Variants in MSI2 observed in about 807,000 individuals in gnomAD.
MSI2 encodes the protein musashi RNA binding protein 2.
MSI2 carries 17 observed loss-of-function variants against 45.6 expected under a neutral mutation model. The observed-to-expected ratio is 0.37, with a 90% CI of 0.26 to 0.56. MSI2 has a LOEUF of 0.56. Ranked by LOEUF, MSI2 falls within the 20% of genes least tolerant of loss-of-function variation. The pLI is 0.77. For missense variants in MSI2, 293 were observed against 444.2 expected (o/e 0.66, Z 3.06); for synonymous variants, 156 against 158.2 (o/e 0.99, Z 0.11).
intron 7 of MSI2, among the ~76,000 whole-genome samples, chr17:57,568,015 T>G (rs1189782516): frequency 6.6e-6 from 1 of 152,318 alleles, no homozygotes; most frequent in African/African-American, 2.4e-5. Flanking sequence ...CCATAAGTGG[T>G]GGCTCTGAGA....
intron 6 of MSI2, among the ~76,000 whole-genome samples, chr17:57,443,491 T>C (rs975617513): frequency 6.6e-6 from 1 of 152,088 alleles, no homozygotes; most frequent in Non-Finnish European, 1.5e-5. Flanking sequence ...AGAGGCTGCT[T>C]GAGTGGGAAA....
intron 5 of MSI2, among the ~76,000 whole-genome samples, chr17:57,282,400 G>T (rs1363604880): frequency 2.6e-5 from 4 of 152,176 alleles, no homozygotes; most frequent in Non-Finnish European, 5.9e-5. Context: ...CAGGCCTGAA[G>T]AATTCCTGCC....
At chr17:57,633,229 G>A (rs138396288) in intron 10 of MSI2, 18 of 987,112 alleles carry the variant, frequency 1.8e-5, no homozygotes, top group East Asian at 1.4e-4. Context: ...TCCTGTTCTC[G>A]CTCCGGGGGA....
At chr17:57,346,347 T>TG (rs1353301295) in intron 5 of MSI2, among the ~76,000 whole-genome samples, 113 of 110,528 alleles carry the variant, frequency 1.0e-3, no homozygotes, top group African/African-American at 3.1e-3. Context: ...ATAACACATT[T>TG]TGGGGGGGGG....
At position 57,683,371 on chromosome 17, in the gene MSI2, A is replaced by G. The variant is rs535784626; in HGVS notation, c.*3854A>G. On this transcript the variant is annotated 3_prime_UTR_variant, in exon 14 of 14. Transcript: ENST00000284073. The surrounding 1 kb of genome is among the most constrained non-coding windows in gnomAD (Gnocchi z 5.2). Reference sequence around the variant, plus strand: ...TTCATTTGGGGGTTTTTGGGGAAAAAATTTATTTTTGGTTCCAAATAGAAA... The same window carrying G: ...TTCATTTGGGGGTTTTTGGGGAAAAGATTTATTTTTGGTTCCAAATAGAAA... 1 of 229,706 alleles carries G rather than the reference A, an allele frequency of 4.4e-6. No homozygotes were observed. Among genetic ancestry groups the G allele is most frequent in the Non-Finnish European group, 8.6e-6 (1 of 116,078 alleles). The allele number at this position is 229,706 out of a possible 1,614,324, so 14.2% of individuals were successfully genotyped here. A position where few individuals can be genotyped will look rare whatever the true frequency, so the allele number is the denominator to read the frequency against.
intron 7 of MSI2, among the ~76,000 whole-genome samples, chr17:57,590,235 A>G (rs1904701818): frequency 2.0e-5 from 3 of 152,042 alleles, no homozygotes; most frequent in African/African-American, 7.2e-5. Context: ...ATTAGTGTTC[A>G]TTGACCTATA....
chr17:57,653,152 C>G (rs1458402917), intron 11 of MSI2, among the ~76,000 whole-genome samples: 1 of 152,152 alleles, frequency 6.6e-6, no homozygotes, highest in Admixed American at 6.5e-5. Flanking sequence ...GCATTAAAAG[C>G]CCAGAGGGCA....
intron 10 of MSI2, chr17:57,632,876 T>C: frequency 1.9e-6 from 2 of 1,063,128 alleles, no homozygotes; most frequent in Non-Finnish European, 2.3e-6. Context: ...GCAGTTTGGC[T>C]CATCTCATTA....
In MSI2 at chr17:57,592,229, T is replaced by C. The variant is rs141040930; in HGVS notation, c.455-4639T>C. ...TTATGTTACGTATATTTTACCAAAA[T>C]AAAATACTTATTTCAGAAAAGAAGA... On this transcript the variant is annotated intron_variant, in intron 7 of 13. Transcript: ENST00000284073. Among the ~76,000 whole-genome samples, 410 of 150,926 alleles carry C rather than the reference T, an allele frequency of 2.7e-3. 1 individual carries two copies. Among genetic ancestry groups the C allele is most frequent in the African/African-American group, 9.3e-3 (383 of 41,160 alleles).
At chr17:57,518,820 A>G (rs2086524559) in intron 6 of MSI2, among the ~76,000 whole-genome samples, 2 of 152,368 alleles carry the variant, frequency 1.3e-5, no homozygotes, top group Admixed American at 1.3e-4. Context: ...TCCAGAGCAC[A>G]GCAGCCGCCA....
At chr17:57,397,909 C>CA (rs1291069442) in intron 5 of MSI2, among the ~76,000 whole-genome samples, 1 of 152,154 alleles carries the variant, frequency 6.6e-6, no homozygotes, top group Non-Finnish European at 1.5e-5. Flanking sequence ...TGGGATCCAT[C>CA]ACTGTATCTG....
intron 7 of MSI2, among the ~76,000 whole-genome samples, chr17:57,562,835 T>C (rs1264409283): frequency 3.9e-5 from 6 of 152,084 alleles, no homozygotes; most frequent in African/African-American, 1.2e-4. Flanking sequence ...CGATGGCTCA[T>C]GCCTGTAATC....
At chr17:57,485,645 A>G (rs1228547101) in intron 6 of MSI2, among the ~76,000 whole-genome samples, 1 of 152,206 alleles carries the variant, frequency 6.6e-6, no homozygotes, top group Non-Finnish European at 1.5e-5. Context: ...TTTGATATGT[A>G]GTGATGAGCT....
intron 5 of MSI2, among the ~76,000 whole-genome samples, chr17:57,358,187 TTC>T (rs1194019047): frequency 1.8e-5 from 2 of 108,722 alleles, no homozygotes; most frequent in African/African-American, 6.9e-5. Context: ...TCGTGGGTTT[TTC>T]TGTGTGTGTG....
chr17:57,687,648 TCTAA>T (rs563219644), downstream of MSI2, among the ~76,000 whole-genome samples: 34 of 152,084 alleles, frequency 2.2e-4, no homozygotes, highest in Non-Finnish European at 4.0e-4. Context: ...ATGAGTTTTA[TCTAA>T]CTAATAATTC....
intron 5 of MSI2, among the ~76,000 whole-genome samples, chr17:57,311,046 T>C (rs554001581): frequency 4.2e-4 from 64 of 152,244 alleles, no homozygotes; most frequent in Non-Finnish European, 7.8e-4. Flanking sequence ...CTCTGCAACA[T>C]GTGTCAAATT....
chr17:57,376,569 T>C (rs1419286597), intron 5 of MSI2, among the ~76,000 whole-genome samples: 4 of 152,216 alleles, frequency 2.6e-5, no homozygotes, highest in Admixed American at 6.5e-5. Context: ...CTAGATTGAC[T>C]GGAGATCTGG....
intron 6 of MSI2, among the ~76,000 whole-genome samples, chr17:57,446,464 G>A (rs550938633): frequency 1.3e-5 from 2 of 152,212 alleles, no homozygotes; most frequent in African/African-American, 4.8e-5. Flanking sequence ...GGGATGTTCT[G>A]TCCCTGCACA....
At chr17:57,676,893 A>C (rs1913272671) in intron 12 of MSI2, 94 bp from the exon 13 acceptor site, 2 of 851,512 alleles carry the variant, frequency 2.3e-6, no homozygotes, top group Non-Finnish European at 4.1e-6. Flanking sequence ...TGGCAACCAC[A>C]GAACTAGTCC....
Sources: gnomAD v4.1 joint callset for allele counts (sites outside exome capture counted in the v4.1 genomes callset) on GRCh38, gnomAD v4.1.1 for gene constraint, Gnocchi (gnomAD v3.1) non-coding constraint, MANE v1.5 for transcripts, NCBI Gene and HGNC (gene_info 2026-07-23, HGNC 2026-07-21) for gene names.